The following ZNF644 variants were observed in gnomAD, a reference collection of about 807,000 sequenced individuals.
The protein encoded by ZNF644 is zinc finger protein 644.
In ZNF644, 20 loss-of-function variants were observed where a neutral mutation model predicts 108.0. That is an observed-to-expected ratio of 0.19 (90% confidence interval 0.13 to 0.27). The LOEUF (loss-of-function observed/expected upper bound fraction) is 0.27, where lower values mean the gene tolerates loss of function less well. Among genes scored for constraint, ZNF644 ranks in the 10% least tolerant of loss-of-function variants. The pLI, the probability that ZNF644 is intolerant of heterozygous loss-of-function variation, is 1.00. For synonymous variants in ZNF644, 542 were observed against 539.1 expected (o/e 1.01, Z -0.08); for missense variants, 1,338 against 1,548.9 (o/e 0.86, Z 2.29).
intron 1 of ZNF644, among the ~76,000 whole-genome samples, chr1:91,009,147 G>C (rs545736982): frequency 5.9e-5 from 9 of 152,216 alleles, no homozygotes; most frequent in African/African-American, 2.2e-4. Flanking sequence ...GAGCGAAGGG[G>C]AAAGACTTAG....
At chr1:91,012,601 C>T (rs1405297902) in intron 1 of ZNF644, among the ~76,000 whole-genome samples, 1 of 152,148 alleles carries the variant, frequency 6.6e-6, no homozygotes, top group Non-Finnish European at 1.5e-5. Flanking sequence ...GAGCACAAGG[C>T]ACCTTTAATC....
chr1:90,937,305 G>A (rs1651424961), intron 4 of ZNF644, among the ~76,000 whole-genome samples, 180 bp downstream of exon 4: 1 of 151,760 alleles, frequency 6.6e-6, no homozygotes, highest in Non-Finnish European at 1.5e-5. Context: ...GTGCTAATGA[G>A]CATCAATTGA....
chr1:90,948,426 T>G (rs1652737999), intron 2 of ZNF644, among the ~76,000 whole-genome samples: 1 of 152,188 alleles, frequency 6.6e-6, no homozygotes, highest in South Asian at 2.1e-4. Flanking sequence ...GCTGAAGAGA[T>G]AACTGGTGCC....
chr1:90,933,890 G>C (rs1221519270), intron 4 of ZNF644, among the ~76,000 whole-genome samples: 1 of 152,132 alleles, frequency 6.6e-6, no homozygotes, highest in African/African-American at 2.4e-5. Flanking sequence ...AGTTCTTTAA[G>C]TCCTAGTTTC....
intron 4 of ZNF644, among the ~76,000 whole-genome samples, chr1:90,928,734 T>A (rs937915294): frequency 2.0e-5 from 3 of 152,152 alleles, no homozygotes; most frequent in Admixed American, 1.3e-4. Context: ...TGTAACCAAA[T>A]CTTCTGACAC....
chr1:90,986,952 A>T (rs1179711054), intron 1 of ZNF644, among the ~76,000 whole-genome samples: 1 of 151,688 alleles, frequency 6.6e-6, no homozygotes, highest in Non-Finnish European at 1.5e-5. Flanking sequence ...TTACAAAGAA[A>T]TTTTTTAAAT....
chr1:90,942,020 T>A (rs1652046173), intron 2 of ZNF644, among the ~76,000 whole-genome samples: 1 of 152,154 alleles, frequency 6.6e-6, no homozygotes. Context: ...ACTATAATTT[T>A]AACTTTAGTA....
intron 2 of ZNF644, among the ~76,000 whole-genome samples, chr1:90,967,063 T>C (rs1386555184): frequency 6.6e-6 from 1 of 152,178 alleles, no homozygotes; most frequent in Non-Finnish European, 1.5e-5. Flanking sequence ...TCTCAGGATA[T>C]AATCCCAAAT....
chr1:90,983,322 A>G (rs1041610688), intron 1 of ZNF644, among the ~76,000 whole-genome samples: 3 of 152,118 alleles, frequency 2.0e-5, no homozygotes, highest in African/African-American at 4.8e-5. Flanking sequence ...CCACCAACCC[A>G]GAAGTGGACA....
At chr1:90,963,943 C>T (rs1654583829) in intron 2 of ZNF644, among the ~76,000 whole-genome samples, 1 of 152,092 alleles carries the variant, frequency 6.6e-6, no homozygotes, top group Non-Finnish European at 1.5e-5. Context: ...TAAAAAGACA[C>T]AGAGCACCAT....
rs199600965 is a variant in ZNF644, at chr1:90,940,840, G to T, written c.514C>A (p.His172Asn). The change falls in exon 3 of 6, where the codon CAC becomes AAC. Residue 172 changes from histidine (H) to asparagine (N), a missense_variant. Coordinates refer to ENST00000337393, the MANE Select transcript of ZNF644 (RefSeq NM_201269.3). The part of the protein sequence containing the change: ...QLSTPQKASQ[H>N]QVLFLLSDVA... ...TCTGATAACAAAAATAAAACTTGGTGTTGACTTGCTTTCTGTGGTGTAGAC... is the reference window on the plus strand; with the variant it reads ...TCTGATAACAAAAATAAAACTTGGTTTTGACTTGCTTTCTGTGGTGTAGAC... The T allele has an allele frequency of 6.2e-6, 10 of 1,613,886 alleles. No homozygotes were observed. In the Admixed American group the frequency reaches 1.5e-4, roughly 24 times the overall value.
intron 2 of ZNF644, among the ~76,000 whole-genome samples, chr1:90,974,651 C>T (rs1426762138): frequency 6.6e-6 from 1 of 152,168 alleles, no homozygotes; most frequent in Non-Finnish European, 1.5e-5. Context: ...TCTCTCAAAT[C>T]CAACCACATC....
At chr1:90,975,507 G>A (rs1158076226) in intron 2 of ZNF644, among the ~76,000 whole-genome samples, 1 of 148,554 alleles carries the variant, frequency 6.7e-6, no homozygotes, top group Non-Finnish European at 1.5e-5. Context: ...GCGCGATCTC[G>A]GCTCACTGCA....
chr1:90,987,753 G>C (rs1259131795), intron 1 of ZNF644, among the ~76,000 whole-genome samples: 1 of 151,958 alleles, frequency 6.6e-6, no homozygotes, highest in Non-Finnish European at 1.5e-5. Flanking sequence ...ACGTATATCT[G>C]TGATTAATAC....
At chr1:90,983,982 C>T (rs1656836167) in intron 1 of ZNF644, among the ~76,000 whole-genome samples, 2 of 152,060 alleles carry the variant, frequency 1.3e-5, no homozygotes, top group South Asian at 2.1e-4. Flanking sequence ...ATGCTGCTTT[C>T]GTAGACTGGA....
chr1:90,990,653 C>T (rs1405651486), intron 1 of ZNF644, among the ~76,000 whole-genome samples: 5 of 152,142 alleles, frequency 3.3e-5, no homozygotes, highest in African/African-American at 7.2e-5. Flanking sequence ...CCACAAAGAA[C>T]GCCCTCAAGT....
chr1:90,924,970 T>G (rs1649860115), intron 4 of ZNF644, among the ~76,000 whole-genome samples: 1 of 152,232 alleles, frequency 6.6e-6, no homozygotes, highest in African/African-American at 2.4e-5. Context: ...TATTTTATTA[T>G]TTCCGTAAAG....
intron 2 of ZNF644, among the ~76,000 whole-genome samples, chr1:90,960,425 C>G (rs1414417965): frequency 1.3e-5 from 2 of 152,102 alleles, no homozygotes; most frequent in Non-Finnish European, 2.9e-5. Flanking sequence ...GTCTGACTGA[C>G]AGCAATAAGG....
intron 1 of ZNF644, among the ~76,000 whole-genome samples, chr1:91,010,169 T>G (rs917397365): frequency 6.6e-6 from 1 of 152,054 alleles, no homozygotes; most frequent in Admixed American, 6.6e-5. Context: ...TTACTTTTTA[T>G]TATATGCATT....
Sources: gnomAD v4.1 joint callset for allele counts (sites outside exome capture counted in the v4.1 genomes callset) on GRCh38, gnomAD v4.1.1 for gene constraint, MANE v1.5 for transcripts, NCBI Gene and HGNC (gene_info 2026-07-23, HGNC 2026-07-21) for gene names.